Variants in ATP11A observed in about 807,000 individuals in gnomAD.
ATP11A encodes phospholipid-transporting ATPase IH.
A neutral mutation model predicts 154.4 loss-of-function variants in ATP11A; 81 were observed. The observed-to-expected ratio is 0.52, with a 90% CI of 0.44 to 0.63. ATP11A has a LOEUF of 0.63. Ranked by LOEUF, ATP11A falls within the 30% of genes least tolerant of loss-of-function variation. The probability of loss-of-function intolerance (pLI) is 0.00; values close to 1 mark genes in which losing one functional copy is unlikely to be tolerated. For synonymous variants in ATP11A, 623 were observed against 585.9 expected (o/e 1.06, Z -0.91); for missense variants, 1,316 against 1,474.3 (o/e 0.89, Z 1.76).
chr13:112,814,355 G>A (rs1566520588), intron 5 of ATP11A, among the ~76,000 whole-genome samples: 1 of 151,866 alleles, frequency 6.6e-6, no homozygotes, highest in South Asian at 2.1e-4. Flanking sequence ...GAGCCACCAC[G>A]CCTGGCTGAT....
intron 1 of ATP11A, among the ~76,000 whole-genome samples, chr13:112,757,663 C>T (rs747231241): frequency 8.5e-5 from 13 of 152,158 alleles, no homozygotes; most frequent in African/African-American, 2.9e-4. Context: ...GCCAGGGGCA[C>T]GGACCAGCAG....
At chr13:112,743,404 CCTGCAGGTTCCTGCTAGCACTGAT>C in intron 1 of ATP11A, among the ~76,000 whole-genome samples, 1 of 141,498 alleles carries the variant, frequency 7.1e-6, no homozygotes, top group African/African-American at 3.2e-5. Context: ...GTTGTATGTT[CCTGCAGGTTCCTGCTAGCACTGAT>C]GGCATAGGCA....
intron 1 of ATP11A, among the ~76,000 whole-genome samples, chr13:112,772,194 A>G (rs1328738864): frequency 6.6e-6 from 1 of 152,218 alleles, no homozygotes; most frequent in Non-Finnish European, 1.5e-5. Context: ...GACGGAGTTT[A>G]TTATGTCAAC....
intron 2 of ATP11A, among the ~76,000 whole-genome samples, chr13:112,797,795 A>G (rs1200059691): frequency 6.6e-6 from 1 of 152,236 alleles, no homozygotes; most frequent in Non-Finnish European, 1.5e-5. Context: ...GAAAGAAGGA[A>G]AATTATATAG....
chr13:112,831,327 G>A (rs575100498), intron 12 of ATP11A, 48 bp from the exon 13 acceptor site: 185 of 1,593,552 alleles, frequency 1.2e-4, no homozygotes, highest in Admixed American at 4.4e-4. Flanking sequence ...AGTCGGGGAC[G>A]TGCGGGCCTC....
chr13:112,695,271 C>T (rs1885669976), intron 1 of ATP11A, among the ~76,000 whole-genome samples: 1 of 152,216 alleles, frequency 6.6e-6, no homozygotes, highest in Non-Finnish European at 1.5e-5. Flanking sequence ...GACTAATAAT[C>T]TGTCTCCAGC....
At chr13:112,831,780 A>T (rs945542085) in intron 13 of ATP11A, among the ~76,000 whole-genome samples, 2 of 152,258 alleles carry the variant, frequency 1.3e-5, no homozygotes, top group African/African-American at 4.8e-5. Flanking sequence ...GCAAACACAC[A>T]TGCATGCACC....
In ATP11A at chr13:112,886,296, G is replaced by A. The variant is rs139119087; in HGVS notation, c.*4430G>A. 2,910 of 152,384 alleles carry A rather than the reference G, an allele frequency of 0.019. 39 individuals carry two copies. Among genetic ancestry groups the A allele is most frequent in the Non-Finnish European group, 0.031 (2,124 of 68,046 alleles). 9.4% of individuals were successfully genotyped at this position (152,384 alleles called of 1,614,324 possible). A position where few individuals can be genotyped will look rare whatever the true frequency, so the allele number is the denominator to read the frequency against. ...GGGGACTCCCCTGAGTTGAGCCTTG[G>A]CCAGGGGTCCGGTGCTGTCGCGGGA... On this transcript the variant is annotated 3_prime_UTR_variant, in exon 30 of 30. Transcript: ENST00000375645.
intron 2 of ATP11A, among the ~76,000 whole-genome samples, chr13:112,798,398 C>T (rs369295873): frequency 7.2e-5 from 11 of 152,334 alleles, no homozygotes; most frequent in African/African-American, 2.4e-4. Context: ...TCCTGAAGTG[C>T]TAGGATTACA....
At position 112,690,129 on chromosome 13, in the gene ATP11A, G is replaced by T. The variant is rs933682780; in HGVS notation, c.-288G>T. On this transcript the variant is annotated 5_prime_UTR_variant, in exon 1 of 30. Transcript: ENST00000375645. The surrounding 1 kb of genome is among the most constrained non-coding windows in gnomAD (Gnocchi z 5.6). Reference sequence around the variant, plus strand: ...GTGCTCCAGCCGAGCCCAACCGAGCGGGCGGACCGACGGGGAGAGAGAAGG... The same window carrying T: ...GTGCTCCAGCCGAGCCCAACCGAGCTGGCGGACCGACGGGGAGAGAGAAGG... 6.7e-6 allele frequency among the ~76,000 whole-genome samples: 1 copy of T among 148,370 alleles called. No homozygotes were observed. The highest frequency in any genetic ancestry group is 6.7e-5 in the Admixed American group (1 of 14,954).
At chr13:112,720,000 T>C (rs1888969120) in intron 1 of ATP11A, among the ~76,000 whole-genome samples, 1 of 152,266 alleles carries the variant, frequency 6.6e-6, no homozygotes. Context: ...CAGTATCTGT[T>C]GTAGCAATGA....
chr13:112,722,191 T>C (rs1031599623), intron 1 of ATP11A, among the ~76,000 whole-genome samples: 3 of 150,974 alleles, frequency 2.0e-5, no homozygotes, highest in African/African-American at 7.3e-5. Flanking sequence ...CTTGGTTTTA[T>C]ACATTTTAGG....
chr13:112,745,811 T>C (rs907054806), intron 1 of ATP11A: 1 of 152,186 alleles, frequency 6.6e-6, no homozygotes, highest in African/African-American at 2.4e-5. Context: ...ATCATAGCCA[T>C]GTTAAGTGTA....
intron 1 of ATP11A, among the ~76,000 whole-genome samples, chr13:112,778,607 T>G (rs879425786): frequency 7.1e-6 from 1 of 140,554 alleles, no homozygotes; most frequent in Non-Finnish European, 1.5e-5. Flanking sequence ...TAGCCGCTGG[T>G]TTGAGGAGTA....
chr13:112,834,049 C>T (rs1346439697), intron 14 of ATP11A, among the ~76,000 whole-genome samples: 1 of 152,240 alleles, frequency 6.6e-6, no homozygotes, highest in Non-Finnish European at 1.5e-5. Context: ...CCCAGTGGCT[C>T]CCACAAGGCC....
chr13:112,839,190 CT>C (rs2140279166), intron 16 of ATP11A, among the ~76,000 whole-genome samples: 1 of 152,282 alleles, frequency 6.6e-6, no homozygotes, highest in Admixed American at 6.5e-5. Context: ...TGAAATCTCT[CT>C]TTTGGGGGAT....
chr13:112,877,842 C>T (rs1204076359), intron 28 of ATP11A, among the ~76,000 whole-genome samples: 2 of 152,234 alleles, frequency 1.3e-5, no homozygotes, highest in African/African-American at 4.8e-5. Flanking sequence ...CAACTCATCT[C>T]CAGGATGGGT....
chr13:112,721,592 G>A (rs948454624), intron 1 of ATP11A, among the ~76,000 whole-genome samples: 3 of 152,138 alleles, frequency 2.0e-5, no homozygotes, highest in African/African-American at 7.2e-5. Context: ...AACGAGGAAC[G>A]TGGAAGCCAG....
At chr13:112,731,937 C>CGGGGGGGGGGGGAGGGGGGGGGG (rs67335042) in intron 1 of ATP11A, among the ~76,000 whole-genome samples, 1 of 83,066 alleles carries the variant, frequency 1.2e-5, no homozygotes, top group Admixed American at 1.4e-4. Context: ...GAAATGGGGG[C>CGGGGGGGGGGGGAGGGGGGGGGG]GGGGGGGGGC....
Sources: allele counts gnomAD v4.1 joint callset (sites outside exome capture counted in the v4.1 genomes callset), GRCh38; gene constraint gnomAD v4.1.1; non-coding constraint Gnocchi (gnomAD v3.1); transcripts MANE v1.5; gene names NCBI Gene and HGNC (gene_info 2026-07-23, HGNC 2026-07-21).